Variants in NPSR1 observed in about 807,000 individuals in gnomAD.
NPSR1 encodes neuropeptide S receptor.
Under a neutral mutation model 46.9 loss-of-function variants are expected in NPSR1, and 48 were observed. The observed-to-expected ratio is 1.02, with a 90% CI of 0.81 to 1.30. NPSR1 has a LOEUF of 1.30. Ranked by LOEUF, NPSR1 falls within the 50% of genes most tolerant of loss-of-function variation. NPSR1 has a pLI of 0.00. For missense variants in NPSR1, 450 were observed against 449.5 expected, an observed-to-expected ratio of 1.00 and a Z score of -0.01; for synonymous variants, 176 against 168.1, an observed-to-expected ratio of 1.05 and a Z score of -0.36.
At chr7:34,769,544 C>T (rs1185565771) in intron 2 of NPSR1, among the ~76,000 whole-genome samples, 2 of 152,194 alleles carry the variant, frequency 1.3e-5, no homozygotes, top group African/African-American at 4.8e-5. Flanking sequence ...ATTTAGGCTT[C>T]AGCAATAACA....
Position 34,844,952 on chromosome 7 carries a change from G to A in NPSR1, c.814G>A (p.Ala272Thr), listed in dbSNP as rs149004550. ...RGLISKAKIK[A>T]IKYSIIIILA... ...ACTCATCTCAAAGGCAAAAATCAAG[G>A]CTATCAAGTATAGCATCATCATCAT... Residue 272 changes from alanine to threonine, a missense_variant, in exon 7 of 9, where the codon GCT (alanine) becomes ACT (threonine). Coordinates refer to ENST00000360581, the MANE Select transcript of NPSR1 (RefSeq NM_207172.2). 1.2e-5 allele frequency: 19 copies of A among 1,612,944 alleles called. No homozygotes were observed. The African/African-American group carries it at 2.1e-4, about 18-fold the overall frequency.
At chr7:34,812,488 T>C (rs1221797720) in intron 4 of NPSR1, among the ~76,000 whole-genome samples, 1 of 152,152 alleles carries the variant, frequency 6.6e-6, no homozygotes, top group Non-Finnish European at 1.5e-5. Flanking sequence ...CTGAACAGGC[T>C]GCATCAATGT....
At chr7:34,721,345 G>A (rs1783848432) in intron 2 of NPSR1, among the ~76,000 whole-genome samples, 1 of 152,158 alleles carries the variant, frequency 6.6e-6, no homozygotes, top group South Asian at 2.1e-4. Context: ...GGAATAAATG[G>A]AAAAGAAGCA....
intron 3 of NPSR1, among the ~76,000 whole-genome samples, chr7:34,786,768 G>A (rs1787484615): frequency 6.6e-6 from 1 of 152,132 alleles, no homozygotes; most frequent in Admixed American, 6.6e-5. Context: ...AATGTGCACT[G>A]TCAATGAGCA....
At chr7:34,705,620 T>C (rs2128698767) in intron 2 of NPSR1, among the ~76,000 whole-genome samples, 1 of 152,046 alleles carries the variant, frequency 6.6e-6, no homozygotes, top group East Asian at 1.9e-4. Context: ...TCTCTCTCTC[T>C]CTCTCATACA....
chr7:34,803,320 A>G (rs2128748149), intron 3 of NPSR1, among the ~76,000 whole-genome samples: 1 of 152,266 alleles, frequency 6.6e-6, no homozygotes, highest in East Asian at 1.9e-4. Context: ...ACCAACCCAA[A>G]TGTCCAACAG....
At position 34,795,932 on chromosome 7, in the gene NPSR1, G is replaced by A. The variant is rs181508904; in HGVS notation, c.385-15838G>A. On this transcript the variant is annotated intron_variant, in intron 3 of 8. Coordinates refer to ENST00000360581, the MANE Select transcript of NPSR1 (RefSeq NM_207172.2). ...AAACTTTATGTGAAAGACAAAACAT[G>A]CAGAATGGTCAGCATAATATTGAAG... Among the ~76,000 whole-genome samples the A allele has an allele frequency of 3.4e-3, 520 of 152,188 alleles. 3 individuals are homozygous for A. Among genetic ancestry groups the A allele is most frequent in the African/African-American group, 0.012 (505 of 41,536 alleles).
intron 2 of NPSR1, among the ~76,000 whole-genome samples, chr7:34,749,947 C>G (rs779832162): frequency 2.0e-5 from 3 of 151,872 alleles, no homozygotes; most frequent in Non-Finnish European, 4.4e-5. Context: ...TTCTTGTAGC[C>G]CAATAATGAG....
chr7:34,720,688 A>C (rs2128707447), intron 2 of NPSR1, among the ~76,000 whole-genome samples: 1 of 152,184 alleles, frequency 6.6e-6, no homozygotes, highest in East Asian at 1.9e-4. Flanking sequence ...AAGGAGAAGA[A>C]GCCTTCCATT....
At chr7:34,829,281 A>G (rs917471665) in intron 5 of NPSR1, among the ~76,000 whole-genome samples, 1 of 152,182 alleles carries the variant, frequency 6.6e-6, no homozygotes, top group Non-Finnish European at 1.5e-5. Context: ...CCTTTCCAAA[A>G]TGGGGTGTTG....
At chr7:34,723,701 C>T (rs1184556230) in intron 2 of NPSR1, among the ~76,000 whole-genome samples, 4 of 152,088 alleles carry the variant, frequency 2.6e-5, no homozygotes, top group Non-Finnish European at 5.9e-5. Flanking sequence ...AGAGGGGGAT[C>T]TCACTATGTT....
rs558592902 is a variant in NPSR1 at position 34,789,237 on chromosome 7, TAGA to T, written c.384+10685_384+10687del. Among the ~76,000 whole-genome samples, 26 of 151,568 alleles carry T rather than the reference TAGA, an allele frequency of 1.7e-4. No individual in the cohort carries two copies. The South Asian group carries it at 3.5e-3, about 21-fold the overall frequency. On this transcript the variant is annotated intron_variant, in intron 3 of 8. Coordinates refer to ENST00000360581, the MANE Select transcript of NPSR1 (RefSeq NM_207172.2). Reference sequence around the variant, plus strand: ...AACCTAATATTACAACTTAAGTAACTAGAAGAAGAAGAAGAGTCAGGGTTTCCC... The same window carrying T: ...AACCTAATATTACAACTTAAGTAACTAGAAGAAGAAGAGTCAGGGTTTCCC...
At chr7:34,756,221 G>C (rs1785835379) in intron 2 of NPSR1, among the ~76,000 whole-genome samples, 1 of 152,124 alleles carries the variant, frequency 6.6e-6, no homozygotes, top group Non-Finnish European at 1.5e-5. Flanking sequence ...AAATGCTCTT[G>C]AACATGAAAG....
At chr7:34,728,767 A>G (rs1784282091) in intron 2 of NPSR1, 1 of 152,748 alleles carries the variant, frequency 6.5e-6, no homozygotes, top group Non-Finnish European at 1.5e-5. Context: ...ACTGATGGGC[A>G]TGAAGATTGC....
chr7:34,859,922 C>T lies in NPSR1; in HGVS notation c.1025+11259C>T, dbSNP rs558939310. On this transcript the variant is annotated intron_variant, in intron 8 of 8. Transcript: ENST00000359791. Reference sequence around the variant, plus strand: ...CCTCATGGCCAGGAACTGTGTAGGCCTCCTTTGCTTACATCTAAGTGGTTT... The same window carrying T: ...CCTCATGGCCAGGAACTGTGTAGGCTTCCTTTGCTTACATCTAAGTGGTTT... 3.3e-5 allele frequency among the ~76,000 whole-genome samples: 5 copies of T among 151,818 alleles called. 2 individuals carry two copies. Among genetic ancestry groups the T allele is most frequent in the African/African-American group, 1.2e-4 (5 of 41,122 alleles).
intron 4 of NPSR1, among the ~76,000 whole-genome samples, chr7:34,826,040 T>G (rs567662461): frequency 6.6e-6 from 1 of 152,324 alleles, no homozygotes; most frequent in South Asian, 2.1e-4. Flanking sequence ...ATTATTAAAT[T>G]GACCAATGTT....
intron 2 of NPSR1, among the ~76,000 whole-genome samples, chr7:34,747,805 C>T (rs757246841): frequency 3.9e-5 from 6 of 152,162 alleles, no homozygotes; most frequent in African/African-American, 1.2e-4. Context: ...TTTTAGAACA[C>T]GACAAATCTT....
chr7:34,690,481 T>C (rs868325785), intron 2 of NPSR1, among the ~76,000 whole-genome samples: 1 of 151,346 alleles, frequency 6.6e-6, no homozygotes, highest in Non-Finnish European at 1.5e-5. Flanking sequence ...CAAGAAAAAA[T>C]TGAAAACCAA....
chr7:34,689,683 C>T (rs1793146609), intron 2 of NPSR1, among the ~76,000 whole-genome samples: 1 of 149,530 alleles, frequency 6.7e-6, no homozygotes, highest in African/African-American at 2.5e-5. Context: ...TGGTTTATGC[C>T]TGTAGTCCCA....
Sources: allele counts gnomAD v4.1 joint callset (sites outside exome capture counted in the v4.1 genomes callset), GRCh38; gene constraint gnomAD v4.1.1; transcripts MANE v1.5; gene names NCBI Gene and HGNC (gene_info 2026-07-23, HGNC 2026-07-21).